Variants in PRSS36 observed in about 807,000 individuals in gnomAD.
The protein encoded by PRSS36 is polyserase-2.
In PRSS36, 90 loss-of-function variants were observed where a neutral mutation model predicts 94.3. The ratio of observed to expected loss-of-function variants is 0.95; its 90% CI spans 0.80 to 1.14. PRSS36 has a LOEUF of 1.14. Among genes scored for constraint, PRSS36 ranks in the 50% most tolerant of loss-of-function variants. The pLI, the probability that PRSS36 is intolerant of heterozygous loss-of-function variation, is 0.00. For synonymous variants in PRSS36, 500 were observed against 489.6 expected (o/e 1.02, Z -0.28); for missense variants, 1,158 against 1,135.0 (o/e 1.02, Z -0.29).
At chr16:31,139,867 G>A (rs1159610962) in intron 14 of PRSS36, among the ~76,000 whole-genome samples, 1 of 96,720 alleles carries the variant, frequency 1.0e-5, no homozygotes, top group Non-Finnish European at 2.0e-5. Context: ...GTACCAGAGC[G>A]AGACTCAGTC....
At chr16:31,144,952 T>C (rs184638824) in intron 6 of PRSS36, among the ~76,000 whole-genome samples, 2 of 152,236 alleles carry the variant, frequency 1.3e-5, no homozygotes, top group Non-Finnish European at 2.9e-5. Flanking sequence ...CTGGCCGTGG[T>C]GGCACATGCC....
chr16:31,143,249 C>T (rs1029717555), intron 8 of PRSS36, 93 bp downstream of exon 8: 2 of 1,508,280 alleles, frequency 1.3e-6, no homozygotes, highest in African/African-American at 2.8e-5. Flanking sequence ...CCGCCCCCCC[C>T]ACACCCCCTG....
Position 31,141,729 on chromosome 16 carries a change from G to C in PRSS36, c.1753C>G (p.His585Asp). 3 of 1,612,698 alleles carry C rather than the reference G, an allele frequency of 1.9e-6. No individual in the cohort carries two copies. The highest frequency in any genetic ancestry group is 2.5e-6 in the Non-Finnish European group (3 of 1,178,836). Residue 585 changes from histidine (H) to aspartate (D), a missense_variant, in exon 11 of 15, where the codon CAT (histidine) becomes GAT (aspartate). By Grantham distance (81) the His-to-Asp change is moderately conservative. Transcript: ENST00000268281. ...ETQTCPPHTE[H>D]GACGLRLEAA... Reference sequence around the variant, plus strand: ...CCAAAAGCGTCCTGCTCACCACCATGCTCTGTGTGTGGGGGACAAGTCTGT... The same window carrying C: ...CCAAAAGCGTCCTGCTCACCACCATCCTCTGTGTGTGGGGGACAAGTCTGT...
intron 8 of PRSS36, 126 bp from the exon 9 acceptor site, chr16:31,143,119 C>A: frequency 7.5e-7 from 1 of 1,336,120 alleles, no homozygotes; most frequent in Non-Finnish European, 9.8e-7. Context: ...CACCCCCATT[C>A]CAACAGCTCA....
In PRSS36 at chr16:31,142,840, C is replaced by G. The variant is rs2057731911; in HGVS notation, c.1254G>C (p.Thr418=). 5 of 1,554,864 alleles carry G rather than the reference C, an allele frequency of 3.2e-6. No homozygotes were observed. Among genetic ancestry groups the G allele is most frequent in the Non-Finnish European group, 4.3e-6 (5 of 1,154,162 alleles). The change falls in exon 9 of 15, where the codon ACG becomes ACC. Residue 418 remains threonine, a synonymous_variant. Coordinates refer to ENST00000268281, the MANE Select transcript of PRSS36 (RefSeq NM_173502.5). ...GCGAAGCCGCGCTCAGGTTCACGGG[C>G]GTGCGCAGCTGCAGCAGCGCCAGGT... ...ASDLALLQLR[T]PVNLSAASRP...
At chr16:31,143,106 C>T (rs1448691549) in intron 8 of PRSS36, 113 bp from the exon 9 acceptor site, 1 of 1,359,016 alleles carries the variant, frequency 7.4e-7, no homozygotes, top group Non-Finnish European at 9.6e-7. Flanking sequence ...GGGATCCCCA[C>T]GACACCCCCA....
chr16:31,141,336 G>T, intron 12 of PRSS36, 133 bp downstream of exon 12: 1 of 1,194,050 alleles, frequency 8.4e-7, no homozygotes, highest in Non-Finnish European at 1.2e-6. Flanking sequence ...GCTTGAGGCT[G>T]GCCTGGGCAA....
intron 2 of PRSS36, 87 bp from the exon 3 acceptor site, chr16:31,149,585 AC>A: frequency 6.2e-7 from 1 of 1,605,620 alleles, no homozygotes; most frequent in East Asian, 2.2e-5. Context: ...CCAACCCCCG[AC>A]CCTATCTTCC....
rs779552269 is a variant in PRSS36, at chr16:31,140,770, G to C, written c.1902-13C>G. 2.2e-5 allele frequency: 36 copies of C among 1,612,794 alleles called. No individual in the cohort carries two copies. Among genetic ancestry groups the C allele is most frequent in the Middle Eastern group, 1.6e-4 (1 of 6,062 alleles). On this transcript the variant is annotated splice_polypyrimidine_tract_variant and intron_variant, in intron 12 of 14. Transcript: ENST00000268281. Reference sequence around the variant, plus strand: ...TGTAGAGCCTGGCCTGTTGGAACAAGGTCCAATGTCACCTTCTGCTCCTCC... The same window carrying C: ...TGTAGAGCCTGGCCTGTTGGAACAACGTCCAATGTCACCTTCTGCTCCTCC...
intron 5 of PRSS36, among the ~76,000 whole-genome samples, chr16:31,147,583 T>G (rs1170089529): frequency 3.3e-5 from 5 of 152,176 alleles, no homozygotes; most frequent in African/African-American, 1.2e-4. Context: ...CCCCCCACCT[T>G]CTAACATAAT....
At position 31,139,036 on chromosome 16, in the gene PRSS36, G is replaced by A; in HGVS notation, c.*102C>T. 7.4e-7 allele frequency: 1 copy of A among 1,355,638 alleles called. No homozygotes were observed. The allele number at this position is 1,355,638 out of a possible 1,614,324, so 84.0% of individuals were successfully genotyped here. A position where few individuals can be genotyped will look rare whatever the true frequency, so the allele number is the denominator to read the frequency against. ...AGCCAGAGCCGCTGCAATCTCGGTG[G>A]GTGGGGCCCTTGAGGTTCCAGCCGG... On this transcript the variant is annotated 3_prime_UTR_variant, in exon 15 of 15. Coordinates refer to ENST00000268281, the MANE Select transcript of PRSS36 (RefSeq NM_173502.5).
rs200791214 is a variant in PRSS36, at chr16:31,140,494, C to T, written c.2165G>A (p.Arg722Gln). 23 of 1,584,544 alleles carry T rather than the reference C, an allele frequency of 1.5e-5. No homozygotes were observed. The African/African-American group carries it at 1.7e-4, about 12-fold the overall frequency. Reference sequence around the variant, plus strand: ...TTCCCGTGACCCAGGGGTCTCACCTCGGTCCTGGGGTTCTTTCCAGCCCAA... The same window carrying T: ...TTCCCGTGACCCAGGGGTCTCACCTTGGTCCTGGGGTTCTTTCCAGCCCAA... ...WVLGWKEPQD[R>Q]VPVAAAVSIL... is the part of the protein sequence containing the mutation. The change falls in exon 13 of 15, where the codon CGA becomes CAA. Residue 722 changes from arginine to glutamine, a missense_variant and splice_region_variant. Physicochemically the swap from Arg to Gln is conservative, Grantham distance 43. Transcript: ENST00000268281.
chr16:31,145,393 AG>A (rs1336884928), intron 6 of PRSS36, among the ~76,000 whole-genome samples: 84 of 149,506 alleles, frequency 5.6e-4, no homozygotes, highest in African/African-American at 1.9e-3. Flanking sequence ...AAAAAAAAAA[AG>A]GAACTCCGTC....
intron 4 of PRSS36, 80 bp from the exon 5 acceptor site, chr16:31,148,755 C>T: frequency 1.3e-6 from 2 of 1,562,024 alleles, no homozygotes; most frequent in Non-Finnish European, 1.7e-6. Flanking sequence ...GGGCTCAGAG[C>T]CAGAGGGGCA....
chr16:31,143,203 C>G (rs1219918303), intron 8 of PRSS36, 139 bp downstream of exon 8: 1 of 1,416,166 alleles, frequency 7.1e-7, no homozygotes, highest in Non-Finnish European at 9.5e-7. Context: ...CAGGACCCCT[C>G]TTTTTGTGCT....
intron 12 of PRSS36, 101 bp downstream of exon 12, chr16:31,141,368 A>G (rs1596841976): frequency 9.1e-7 from 1 of 1,098,898 alleles, no homozygotes; most frequent in Non-Finnish European, 1.2e-6. Context: ...CTCATTGTTA[A>G]TTTTTTTTAA....
intron 7 of PRSS36, 39 bp downstream of exon 7, chr16:31,143,549 C>G (rs1481666136): frequency 1.9e-6 from 3 of 1,612,496 alleles, no homozygotes; most frequent in Non-Finnish European, 2.5e-6. Context: ...AACTCACTCT[C>G]CCATGTCCCG....
At chr16:31,149,566 TC>T in intron 2 of PRSS36, 68 bp from the exon 3 acceptor site, 2 of 1,608,636 alleles carry the variant, frequency 1.2e-6, no homozygotes, top group Non-Finnish European at 1.7e-6. Flanking sequence ...CAGCCCCACT[TC>T]CTGCTCTCCA....
chr16:31,149,106 G>A lies in PRSS36; in HGVS notation c.239C>T (p.Ser80Phe). 1 of 1,591,728 alleles carries A rather than the reference G, an allele frequency of 6.3e-7. No individual in the cohort carries two copies. Among genetic ancestry groups the A allele is most frequent in the Non-Finnish European group, 8.5e-7 (1 of 1,170,990 alleles). ...ACAGTGAGCAGCGGAGAGGACCCAG[G>A]AGGGGGCGATGAGGGAGCCCCCGCA... is the stretch of plus-strand genomic sequence containing the variant. ...HICGGSLIAP[S>F]WVLSAAHCFM... Residue 80 changes from serine (S) to phenylalanine (F), a missense_variant, in exon 4 of 15, where the codon TCC (serine) becomes TTC (phenylalanine). Coordinates refer to ENST00000268281, the MANE Select transcript of PRSS36 (RefSeq NM_173502.5).
Sources: allele counts gnomAD v4.1 joint callset (sites outside exome capture counted in the v4.1 genomes callset), GRCh38; gene constraint gnomAD v4.1.1; transcripts MANE v1.5; gene names NCBI Gene and HGNC (gene_info 2026-07-23, HGNC 2026-07-21).